ADGRL3: variants seen among roughly 807,000 people sequenced by gnomAD.
The protein encoded by ADGRL3 is calcium-independent alpha-latrotoxin receptor 3.
A neutral mutation model predicts 153.5 loss-of-function variants in ADGRL3; 62 were observed. The observed-to-expected ratio is 0.40, with a 90% CI of 0.33 to 0.50. The LOEUF (loss-of-function observed/expected upper bound fraction) is 0.50. Ranked by LOEUF, ADGRL3 falls within the 20% of genes least tolerant of loss-of-function variation. The probability of loss-of-function intolerance (pLI) is 0.47; values close to 1 mark genes in which losing one functional copy is unlikely to be tolerated. For missense variants in ADGRL3, 1,641 were observed against 1,859.4 expected, an observed-to-expected ratio of 0.88 and a Z score of 2.16; for synonymous variants, 710 against 672.5, an observed-to-expected ratio of 1.06 and a Z score of -0.86.
At chr4:61,969,298 G>A (rs368070691) in intron 17 of ADGRL3, among the ~76,000 whole-genome samples, 13 of 151,864 alleles carry the variant, frequency 8.6e-5, no homozygotes, top group Admixed American at 5.9e-4. Flanking sequence ...TTTTTGGGGG[G>A]TGGGAGGAGA....
At chr4:61,660,516 C>T (rs1299635772) in intron 5 of ADGRL3, among the ~76,000 whole-genome samples, 4 of 151,956 alleles carry the variant, frequency 2.6e-5, no homozygotes, top group African/African-American at 9.7e-5. Flanking sequence ...AGGAGATCTC[C>T]TTAAAGCCAA....
chr4:61,575,595 A>G (rs1055645008), intron 4 of ADGRL3, among the ~76,000 whole-genome samples: 9 of 151,984 alleles, frequency 5.9e-5, no homozygotes. Context: ...TGATGAAACA[A>G]TGTTTTATTG....
chr4:61,637,404 T>C (rs1371944545), intron 5 of ADGRL3, among the ~76,000 whole-genome samples: 2 of 152,168 alleles, frequency 1.3e-5, no homozygotes, highest in Non-Finnish European at 2.9e-5. Flanking sequence ...AAATTTCTGT[T>C]GTTTTAGCCA....
At position 61,201,683 on chromosome 4, in the gene ADGRL3, A is replaced by G. The variant is rs1734718555; in HGVS notation, c.-322A>G. ...CGGCCGGTCTTTTGCCCCGGGCTCAATGGCTGGATTGTGGAAACTGCACCC... is the reference window on the plus strand; with the variant it reads ...CGGCCGGTCTTTTGCCCCGGGCTCAGTGGCTGGATTGTGGAAACTGCACCC... On this transcript the variant is annotated 5_prime_UTR_variant, in exon 1 of 27. The change abolishes an upstream ATG in the 5' untranslated region. Coordinates refer to ENST00000683033, the MANE Select transcript of ADGRL3 (RefSeq NM_001387552.1). The G allele has an allele frequency of 2.0e-5, 3 of 152,316 alleles. No individual in the cohort carries two copies. The highest frequency in any genetic ancestry group is 2.0e-4 in the Admixed American group (3 of 15,274). The allele number at this position is 152,316 out of a possible 1,614,324, so 9.4% of individuals were successfully genotyped here.
chr4:61,912,815 A>C, intron 13 of ADGRL3, 58 bp downstream of exon 13: 1 of 1,430,076 alleles, frequency 7.0e-7, no homozygotes, highest in Non-Finnish European at 9.8e-7. Context: ...TTGTGATGGC[A>C]TGAATGGACA....
chr4:61,535,999 T>G (rs945338446), intron 4 of ADGRL3, among the ~76,000 whole-genome samples: 1 of 152,094 alleles, frequency 6.6e-6, no homozygotes, highest in African/African-American at 2.4e-5. Flanking sequence ...GGTTGTTAAT[T>G]GGAAATCTTT....
chr4:61,949,825 T>C (rs927361708), intron 17 of ADGRL3, among the ~76,000 whole-genome samples: 1 of 152,220 alleles, frequency 6.6e-6, no homozygotes, highest in Admixed American at 6.5e-5. Context: ...TTATTTGTCA[T>C]TAGAACTAGC....
At chr4:62,022,504 G>C (rs1272519191) in intron 21 of ADGRL3, among the ~76,000 whole-genome samples, 1 of 152,120 alleles carries the variant, frequency 6.6e-6, no homozygotes, top group East Asian at 1.9e-4. Context: ...CCTTCTATTG[G>C]AACAAGATGC....
intron 6 of ADGRL3, among the ~76,000 whole-genome samples, chr4:61,680,849 C>G (rs527714868): frequency 1.3e-5 from 2 of 152,130 alleles, no homozygotes; most frequent in Admixed American, 1.3e-4. Flanking sequence ...CTAAGTCCTA[C>G]CTTCTTACTT....
At chr4:61,979,491 T>C (rs2099059972) in intron 17 of ADGRL3, 72 bp from the exon 18 acceptor site, 2 of 1,205,658 alleles carry the variant, frequency 1.7e-6, no homozygotes, top group Non-Finnish European at 1.2e-6. Context: ...GCTTTGTGCA[T>C]CCAGGCCCTT....
At chr4:61,460,450 C>A (rs866915658) in intron 2 of ADGRL3, among the ~76,000 whole-genome samples, 166 of 151,252 alleles carry the variant, frequency 1.1e-3, no homozygotes, top group African/African-American at 3.9e-3. Flanking sequence ...CCAAGCACAC[C>A]AAGACAAATA....
chr4:61,265,238 C>A (rs895420775), intron 1 of ADGRL3, among the ~76,000 whole-genome samples: 6 of 151,912 alleles, frequency 3.9e-5, no homozygotes, highest in Admixed American at 6.6e-5. Flanking sequence ...GGAAAAAAAA[C>A]CTGTTAATAC....
intron 25 of ADGRL3, among the ~76,000 whole-genome samples, chr4:62,051,717 CG>C (rs1734322728): frequency 6.6e-6 from 1 of 151,610 alleles, no homozygotes; most frequent in African/African-American, 2.4e-5. Context: ...AATTTCCTCA[CG>C]TTTTTTGATT....
intron 1 of ADGRL3, among the ~76,000 whole-genome samples, chr4:61,264,797 G>A (rs1403940245): frequency 6.6e-6 from 1 of 151,824 alleles, no homozygotes; most frequent in African/African-American, 2.4e-5. Context: ...ACAGTGGGAG[G>A]GAAAAAGAGA....
intron 1 of ADGRL3, among the ~76,000 whole-genome samples, chr4:61,365,984 A>AT (rs2096388305): frequency 1.3e-5 from 2 of 152,126 alleles, no homozygotes; most frequent in South Asian, 2.1e-4. Flanking sequence ...TCAACAAGTT[A>AT]TTTTTTTAGA....
At chr4:61,847,975 TATAAA>T (rs1372930530) in intron 9 of ADGRL3, among the ~76,000 whole-genome samples, 1 of 15,776 alleles carries the variant, frequency 6.3e-5, no homozygotes, top group Non-Finnish European at 1.2e-4. Context: ...ATATATATAA[TATAAA>T]ATATATTATA....
intron 9 of ADGRL3, among the ~76,000 whole-genome samples, chr4:61,868,957 G>A (rs2098419083): frequency 6.6e-6 from 1 of 152,076 alleles, no homozygotes; most frequent in Non-Finnish European, 1.5e-5. Flanking sequence ...TTGAGACAGG[G>A]TCTCTATATG....
chr4:61,280,516 G>T (rs72634737), intron 1 of ADGRL3, among the ~76,000 whole-genome samples: 2,382 of 152,040 alleles, frequency 0.016, 31 homozygotes, highest in Middle Eastern at 0.038. Context: ...AGTACACCAT[G>T]TTGTTTTTGG....
Position 61,485,113 on chromosome 4 carries a change from A to T in ADGRL3, c.-173-12008A>T, listed in dbSNP as rs1287379935. Among the ~76,000 whole-genome samples, 3 of 152,246 alleles carry T rather than the reference A, an allele frequency of 2.0e-5. No individual in the cohort carries two copies. In the East Asian group the frequency reaches 5.8e-4, roughly 29 times the overall value. On this transcript the variant is annotated intron_variant, in intron 2 of 26. Transcript: ENST00000683033. ...CTCCCTTTGGGTATTTTGGGCACTG[A>T]TATTCTATAATGGGCCATTAAGAAA...
Sources: gnomAD v4.1 joint callset for allele counts (sites outside exome capture counted in the v4.1 genomes callset) on GRCh38, gnomAD v4.1.1 for gene constraint, MANE v1.5 for transcripts, NCBI Gene and HGNC (gene_info 2026-07-23, HGNC 2026-07-21) for gene names.